LRP11: variants seen among roughly 807,000 people sequenced by gnomAD.
LRP11 encodes LDL receptor related protein 11, also known as low-density lipoprotein receptor-related protein 11.
In LRP11, 25 loss-of-function variants were observed where a neutral mutation model predicts 43.1. That is an observed-to-expected ratio of 0.58 (90% CI 0.42 to 0.81). The LOEUF is 0.81. Among genes scored for constraint, LRP11 ranks in the 30% least tolerant of loss-of-function variants. The pLI is 0.00. For missense variants in LRP11, 623 were observed against 665.1 expected (o/e 0.94, Z 0.70); for synonymous variants, 316 against 299.4 (o/e 1.06, Z -0.57).
intron 6 of LRP11, among the ~76,000 whole-genome samples, chr6:149,821,034 G>A (rs1286255744): frequency 4.0e-5 from 6 of 150,424 alleles, no homozygotes; most frequent in African/African-American, 7.4e-5. Flanking sequence ...GGGTTCAAGC[G>A]ATTCCCCTGC....
intron 1 of LRP11, among the ~76,000 whole-genome samples, chr6:149,861,164 A>G (rs1032134713): frequency 3.3e-5 from 5 of 152,154 alleles, no homozygotes; most frequent in African/African-American, 1.2e-4. Context: ...AAAAACGAAC[A>G]ATTCAAGAAG....
chr6:149,827,939 G>A lies in LRP11; in HGVS notation c.1253-1580C>T, dbSNP rs991312998. 6.0e-5 allele frequency among the ~76,000 whole-genome samples: 9 copies of A among 149,584 alleles called. No individual in the cohort carries two copies. The highest frequency in any genetic ancestry group is 4.2e-4 in the South Asian group (2 of 4,712). ...GGGGAGGCTGAGGCAGGAGAATGGC[G>A]TGAACCCTGGAGGCGGAGCTTGCAG... On this transcript the variant is annotated intron_variant, in intron 5 of 6. Transcript: ENST00000239367. The surrounding 1 kb of genome is among the most constrained non-coding windows in gnomAD (Gnocchi z 4.2).
intron 1 of LRP11, 159 bp from the exon 2 acceptor site, chr6:149,853,319 A>G (rs977711610): frequency 2.0e-5 from 13 of 652,678 alleles, no homozygotes; most frequent in Admixed American, 3.7e-5. Flanking sequence ...ATGATCGTGG[A>G]ATTTAGCTAT....
intron 5 of LRP11, among the ~76,000 whole-genome samples, chr6:149,833,891 C>T (rs1159164119): frequency 6.6e-6 from 1 of 152,084 alleles, no homozygotes; most frequent in Non-Finnish European, 1.5e-5. Context: ...TTCTAAGTTC[C>T]GGGGTACATG....
Position 149,820,588 on chromosome 6 carries a change from A to G in LRP11, c.1464T>C (p.Ser488=), listed in dbSNP as rs745936856. The G allele has an allele frequency of 7.7e-6, 6 of 781,060 alleles. No individual in the cohort carries two copies. The highest frequency in any genetic ancestry group is 2.7e-5 in the South Asian group (2 of 74,620). 48.4% of individuals were successfully genotyped at this position (781,060 alleles called of 1,614,324 possible). A position where few individuals can be genotyped will look rare whatever the true frequency, so the allele number is the denominator to read the frequency against. ...CATTTATGAGGTAGTCCGATTCCTC[A>G]GATGTAATGGGACGAGCTTTTTTCA... ...QKLKKARPIT[S]EESDYLINGM... is the part of the protein sequence containing the mutation. Residue 488 remains serine (S), a synonymous_variant, in exon 7 of 7, where the codon TCT becomes TCC. Coordinates refer to ENST00000239367, the MANE Select transcript of LRP11 (RefSeq NM_032832.6).
At chr6:149,847,074 G>A (rs975797098) in intron 2 of LRP11, among the ~76,000 whole-genome samples, 3 of 152,100 alleles carry the variant, frequency 2.0e-5, no homozygotes, top group African/African-American at 7.2e-5. Flanking sequence ...GGCTGCTGGC[G>A]TCACCCTGTG....
chr6:149,862,394 A>C (rs1423472689), intron 1 of LRP11, among the ~76,000 whole-genome samples: 3 of 152,196 alleles, frequency 2.0e-5, no homozygotes, highest in African/African-American at 7.2e-5. Context: ...GCCTGACCAC[A>C]CGTGGGCACA....
At chr6:149,841,286 C>T (rs776462924) in intron 3 of LRP11, among the ~76,000 whole-genome samples, 1 of 152,144 alleles carries the variant, frequency 6.6e-6, no homozygotes, top group Non-Finnish European at 1.5e-5. Context: ...TCATTCTGCA[C>T]TCTGCTGGCT....
intron 1 of LRP11, among the ~76,000 whole-genome samples, chr6:149,859,298 G>T (rs1321744077): frequency 6.8e-6 from 1 of 147,568 alleles, no homozygotes; most frequent in African/African-American, 2.5e-5. Flanking sequence ...ATTTTTCCAT[G>T]TTTATCCACC....
chr6:149,857,844 C>G (rs1337558325), intron 1 of LRP11, among the ~76,000 whole-genome samples: 2 of 152,268 alleles, frequency 1.3e-5, no homozygotes, highest in East Asian at 3.9e-4. Context: ...TCTGTGTAGG[C>G]AGTGGGCAAG....
At chr6:149,832,191 C>CTTTTT (rs5880854) in intron 5 of LRP11, among the ~76,000 whole-genome samples, 5 of 130,132 alleles carry the variant, frequency 3.8e-5, no homozygotes, top group South Asian at 2.5e-4. Flanking sequence ...TGAGCTAAGT[C>CTTTTT]TTTTTTTTTT....
In LRP11 at chr6:149,863,482, C is replaced by T; in HGVS notation, c.539G>A (p.Gly180Asp). The change falls in exon 1 of 7, where the codon GGC becomes GAC. Residue 180 changes from glycine (G) to aspartate (D), a missense_variant. Gly to Asp is a moderately conservative substitution (Grantham distance 94, BLOSUM62 -1). Transcript: ENST00000239367. ...GCGGCTGAGGCTGTAGCTGCTGTAG[C>T]CGCTGTGCAGCGCGAACTTGCAGAC... ...RNVCKFALHSGYSSYSLSRAP... is the reference protein window; with the variant it reads ...RNVCKFALHSDYSSYSLSRAP... 7.4e-7 allele frequency: 1 copy of T among 1,346,506 alleles called. No individual in the cohort carries two copies. Among genetic ancestry groups the T allele is most frequent in the South Asian group, 1.9e-5 (1 of 51,964 alleles). 83.4% of individuals were successfully genotyped at this position (1,346,506 alleles called of 1,614,324 possible).
Position 149,842,991 on chromosome 6 carries a change from G to GAGT in LRP11, c.902_904dup (p.Tyr301dup), listed in dbSNP as rs1294847790. The stretch of plus-strand genomic sequence containing the variant: ...AAGGACTTTCTTCTCACCTCCTGTG[G>GAGT]AGTAGGCTGCGCGAAGCACTGTCAC... On this transcript the variant is annotated inframe_insertion, in exon 3 of 7. Coordinates refer to ENST00000239367, the MANE Select transcript of LRP11 (RefSeq NM_032832.6). 6.2e-7 allele frequency: 1 copy of GAGT among 1,614,062 alleles called. No individual in the cohort carries two copies. The highest frequency in any genetic ancestry group is 8.5e-7 in the Non-Finnish European group (1 of 1,180,042).
chr6:149,853,573 C>T (rs1190588244), intron 1 of LRP11, among the ~76,000 whole-genome samples: 1 of 152,172 alleles, frequency 6.6e-6, no homozygotes, highest in African/African-American at 2.4e-5. Flanking sequence ...AATGGTGCAG[C>T]CTCGGCTCAC....
intron 5 of LRP11, among the ~76,000 whole-genome samples, chr6:149,831,624 C>A (rs1377070294): frequency 6.6e-6 from 1 of 152,186 alleles, no homozygotes; most frequent in Admixed American, 6.5e-5. Flanking sequence ...TCCTCAGTAA[C>A]CTGTGTGGAA....
chr6:149,837,267 T>C, intron 4 of LRP11, 71 bp downstream of exon 4: 1 of 1,521,678 alleles, frequency 6.6e-7, no homozygotes, highest in Non-Finnish European at 8.9e-7. Flanking sequence ...TTGCATTTCA[T>C]TCTCAGAACA....
chr6:149,837,293 C>CA, intron 4 of LRP11, 45 bp downstream of exon 4: 1 of 1,596,042 alleles, frequency 6.3e-7, no homozygotes, highest in Non-Finnish European at 8.6e-7. Flanking sequence ...CTCCCAACTC[C>CA]ATCCCTTCCA....
At chr6:149,837,567 A>G in intron 3 of LRP11, 104 bp from the exon 4 acceptor site, 1 of 1,178,774 alleles carries the variant, frequency 8.5e-7, no homozygotes, top group Non-Finnish European at 1.2e-6. Flanking sequence ...CACTTCGGGG[A>G]AGAGATGCAA....
At chr6:149,852,974 T>C (rs1776743940) in intron 2 of LRP11, 29 bp downstream of exon 2, 1 of 1,550,644 alleles carries the variant, frequency 6.4e-7, no homozygotes, top group Admixed American at 1.9e-5. Flanking sequence ...GAAATACTCG[T>C]TTTTGTTAGC....
Sources: gnomAD v4.1 joint callset for allele counts (sites outside exome capture counted in the v4.1 genomes callset) on GRCh38, gnomAD v4.1.1 for gene constraint, Gnocchi (gnomAD v3.1) non-coding constraint, MANE v1.5 for transcripts, NCBI Gene and HGNC (gene_info 2026-07-23, HGNC 2026-07-21) for gene names.